MYO16: variants seen among roughly 807,000 people sequenced by gnomAD.
MYO16 encodes the protein unconventional myosin-XVI.
A neutral mutation model predicts 205.3 loss-of-function variants in MYO16; 94 were observed. The ratio of observed to expected loss-of-function variants is 0.46; its 90% CI spans 0.39 to 0.54. MYO16 has a LOEUF of 0.54. MYO16 is among the 20% of genes least tolerant of loss of function. The pLI, the probability that MYO16 is intolerant of heterozygous loss-of-function variation, is 0.00. For missense variants in MYO16, 2,315 were observed against 2,387.5 expected, an observed-to-expected ratio of 0.97 and a Z score of 0.63; for synonymous variants, 988 against 954.0, an observed-to-expected ratio of 1.04 and a Z score of -0.66.
intron 7 of MYO16, among the ~76,000 whole-genome samples, chr13:108,817,411 CAT>C (rs1875682027): frequency 6.6e-6 from 1 of 152,280 alleles, no homozygotes; most frequent in South Asian, 2.1e-4. Context: ...ATTGGGCAAA[CAT>C]ATACATTTCT....
In MYO16 at chr13:108,829,082, A is replaced by G. The variant is rs144005473; in HGVS notation, c.1097+5804A>G. Among the ~76,000 whole-genome samples the G allele has an allele frequency of 4.6e-3, 694 of 152,124 alleles. 8 individuals are homozygous for G. The highest frequency in any genetic ancestry group is 0.016 in the African/African-American group (653 of 41,492). On this transcript the variant is annotated intron_variant, in intron 9 of 34. Coordinates refer to ENST00000457511, the MANE Select transcript of MYO16 (RefSeq NM_001198950.3). The stretch of plus-strand genomic sequence containing the variant: ...GCTCAAAAGTTCAAGTGGCCTGGGG[A>G]CCCCCAAACTTTTGGCTGGAATCTA...
chr13:109,179,910 T>TA (rs1347493654), intron 34 of MYO16, among the ~76,000 whole-genome samples: 2 of 152,168 alleles, frequency 1.3e-5, no homozygotes, highest in African/African-American at 4.8e-5. Context: ...TGTGGTACTT[T>TA]AAAATTATTC....
intron 32 of MYO16, among the ~76,000 whole-genome samples, chr13:109,143,811 G>A (rs1877206969): frequency 6.6e-6 from 1 of 152,052 alleles, no homozygotes; most frequent in South Asian, 2.1e-4. Flanking sequence ...TTCTTATTGT[G>A]GGCTTTTCTG....
At chr13:109,115,226 C>T (rs1268379929) in intron 28 of MYO16, among the ~76,000 whole-genome samples, 7 of 134,902 alleles carry the variant, frequency 5.2e-5, no homozygotes, top group South Asian at 2.5e-4. Flanking sequence ...TCTGTACCTC[C>T]ACAGCCTACA....
chr13:109,119,406 C>A (rs2181667), intron 28 of MYO16, among the ~76,000 whole-genome samples: 4,061 of 152,238 alleles, frequency 0.027, 175 homozygotes, highest in African/African-American at 0.093. Flanking sequence ...TTCCCTTTAT[C>A]TAACAGAATA....
chr13:108,634,450 C>T (rs999656008), intron 1 of MYO16, among the ~76,000 whole-genome samples: 4 of 152,108 alleles, frequency 2.6e-5, no homozygotes, highest in Non-Finnish European at 1.5e-5. Flanking sequence ...GAATATGTGG[C>T]CAATCCATCC....
chr13:108,872,723 T>C (rs967474727), intron 12 of MYO16, among the ~76,000 whole-genome samples: 9 of 151,658 alleles, frequency 5.9e-5, no homozygotes, highest in Non-Finnish European at 1.2e-4. Flanking sequence ...TATGTATATA[T>C]ACACACACAC....
At chr13:108,727,151 A>G (rs1884368023) in intron 3 of MYO16, among the ~76,000 whole-genome samples, 2 of 151,912 alleles carry the variant, frequency 1.3e-5, no homozygotes, top group African/African-American at 4.8e-5. Flanking sequence ...AAATAATCCT[A>G]TCTACAAATG....
intron 16 of MYO16, among the ~76,000 whole-genome samples, chr13:108,945,533 A>G (rs1406477602): frequency 6.6e-6 from 1 of 152,208 alleles, no homozygotes; most frequent in Non-Finnish European, 1.5e-5. Flanking sequence ...TTAGGTGTCA[A>G]AATGGAACCC....
intron 21 of MYO16, among the ~76,000 whole-genome samples, chr13:109,001,042 T>C (rs1324744307): frequency 6.6e-6 from 1 of 151,904 alleles, no homozygotes; most frequent in East Asian, 1.9e-4. Context: ...TGTAAAACAA[T>C]GTCTTTATAC....
At chr13:108,546,994 C>T in the MYO16 span, among the ~76,000 whole-genome samples, 148 of 152,078 alleles carry the variant, frequency 9.7e-4, 1 homozygote, top group African/African-American at 3.3e-3. Context: ...AACTCAGGGC[C>T]GGGTACGGTG....
In MYO16 at chr13:109,162,187, T is replaced by C. The variant is rs145210243; in HGVS notation, c.5165-2714T>C. Among the ~76,000 whole-genome samples, 536 of 152,300 alleles carry C rather than the reference T, an allele frequency of 3.5e-3. 2 individuals are homozygous for C. The highest frequency in any genetic ancestry group is 0.012 in the African/African-American group (517 of 41,562). On this transcript the variant is annotated intron_variant, in intron 32 of 34. Transcript: ENST00000457511. The surrounding 1 kb of genome is among the most constrained non-coding windows in gnomAD (Gnocchi z 4.6). ...ACTTTAATTGCAAAAATGAGAATTT[T>C]GGCTGCAATTTAAATACATCAGTTG...
At chr13:108,642,000 T>A (rs1297207208) in intron 1 of MYO16, among the ~76,000 whole-genome samples, 1 of 152,148 alleles carries the variant, frequency 6.6e-6, no homozygotes. Flanking sequence ...ACAGGGTCAA[T>A]CCTAGGGTCT....
intron 28 of MYO16, among the ~76,000 whole-genome samples, chr13:109,115,364 A>T (rs987005317): frequency 6.6e-6 from 1 of 152,208 alleles, no homozygotes; most frequent in African/African-American, 2.4e-5. Context: ...AAGAAAAAAA[A>T]CCTAATGGTT....
At chr13:108,666,475 G>A (rs559644929) in intron 2 of MYO16, among the ~76,000 whole-genome samples, 17 of 151,822 alleles carry the variant, frequency 1.1e-4, no homozygotes, top group Middle Eastern at 3.4e-3. Flanking sequence ...TTTTATCAAT[G>A]AATTTTTTTT....
intron 1 of MYO16, 71 bp from the exon 2 acceptor site, chr13:108,665,815 G>A: frequency 1.4e-6 from 2 of 1,449,690 alleles, no homozygotes; most frequent in East Asian, 2.4e-5. Context: ...ATAAAATCAA[G>A]TGTGCTGTGG....
At chr13:109,106,739 C>T (rs1362652524) in intron 28 of MYO16, among the ~76,000 whole-genome samples, 1 of 152,120 alleles carries the variant, frequency 6.6e-6, no homozygotes, top group Non-Finnish European at 1.5e-5. Context: ...CTGGGAGAGT[C>T]GAGAGGGGCA....
chr13:108,521,641 G>T, the MYO16 span, among the ~76,000 whole-genome samples: 2 of 152,142 alleles, frequency 1.3e-5, no homozygotes, highest in Admixed American at 6.5e-5. Context: ...TGATAAGTGT[G>T]CTCTTTATGT....
chr13:108,573,152 C>T, the MYO16 span, among the ~76,000 whole-genome samples: 7 of 152,264 alleles, frequency 4.6e-5, no homozygotes, highest in Admixed American at 2.0e-4. Context: ...AAGTGTAAAA[C>T]GCCTGTACTT....
Sources: gnomAD v4.1 joint callset for allele counts (sites outside exome capture counted in the v4.1 genomes callset) on GRCh38, gnomAD v4.1.1 for gene constraint, Gnocchi (gnomAD v3.1) non-coding constraint, MANE v1.5 for transcripts, NCBI Gene and HGNC (gene_info 2026-07-23, HGNC 2026-07-21) for gene names.